The following HSPA12A variants were observed in gnomAD, a reference collection of about 807,000 sequenced individuals.
The protein encoded by HSPA12A is heat shock protein family A (Hsp70) member 12A.
In HSPA12A, 28 loss-of-function variants were observed where a neutral mutation model predicts 69.2. The ratio of observed to expected loss-of-function variants is 0.40; its 90% confidence interval spans 0.30 to 0.55. The LOEUF (loss-of-function observed/expected upper bound fraction) is 0.55, where lower values mean the gene tolerates loss of function less well. Among genes scored for constraint, HSPA12A ranks in the 20% least tolerant of loss-of-function variants. The pLI is 0.38. For missense variants in HSPA12A, 686 were observed against 900.7 expected, an observed-to-expected ratio of 0.76 and a Z score of 3.05; for synonymous variants, 345 against 370.5, an observed-to-expected ratio of 0.93 and a Z score of 0.79.
At chr10:116,775,907 C>T (rs1844325437) in intron 2 of HSPA12A, among the ~76,000 whole-genome samples, 1 of 152,188 alleles carries the variant, frequency 6.6e-6, no homozygotes, top group Admixed American at 6.5e-5. Flanking sequence ...CACAGACTCT[C>T]TTATGTGACT....
intron 1 of HSPA12A, among the ~76,000 whole-genome samples, chr10:116,729,456 A>T (rs1437559799): frequency 6.6e-6 from 1 of 152,176 alleles, no homozygotes; most frequent in African/African-American, 2.4e-5. Flanking sequence ...TTTGAACGAC[A>T]TGAGGGTTAG....
intron 5 of HSPA12A, among the ~76,000 whole-genome samples, chr10:116,697,775 C>T (rs1849955875): frequency 6.6e-6 from 1 of 152,168 alleles, no homozygotes; most frequent in African/African-American, 2.4e-5. Flanking sequence ...GCGCCCAACC[C>T]CATTACCTAA....
At chr10:116,712,977 AAT>A (rs56007651) in intron 1 of HSPA12A, among the ~76,000 whole-genome samples, 4,242 of 80,680 alleles carry the variant, frequency 0.053, 188 homozygotes, top group South Asian at 0.11. Context: ...TAAAAAATGC[AAT>A]ATATATATAT....
intron 3 of HSPA12A, among the ~76,000 whole-genome samples, chr10:116,703,795 C>T (rs1335834341): frequency 2.6e-5 from 4 of 152,226 alleles, no homozygotes; most frequent in East Asian, 1.9e-4. Context: ...GCTGGGTGTG[C>T]GGGGAAGGGA....
chr10:116,837,965 C>T (rs1486004857), intron 1 of HSPA12A, among the ~76,000 whole-genome samples: 3 of 151,912 alleles, frequency 2.0e-5, no homozygotes, highest in African/African-American at 7.3e-5. Flanking sequence ...GCCTGTAACA[C>T]ATATAATTAG....
chr10:116,798,179 T>TG (rs1346674801), intron 2 of HSPA12A, among the ~76,000 whole-genome samples: 3 of 8,702 alleles, frequency 3.4e-4, no homozygotes, highest in Non-Finnish European at 4.6e-4. Flanking sequence ...GGCGGGGCGG[T>TG]GGGGCGGGGT....
At chr10:116,806,623 G>A (rs11591612) in intron 2 of HSPA12A, among the ~76,000 whole-genome samples, 1 of 152,048 alleles carries the variant, frequency 6.6e-6, no homozygotes, top group African/African-American at 2.4e-5. Context: ...AAAATGTGCA[G>A]CCCCACGCCA....
At chr10:116,761,337 T>C in intron 2 of HSPA12A, among the ~76,000 whole-genome samples, 1 of 151,892 alleles carries the variant, frequency 6.6e-6, no homozygotes, top group East Asian at 1.9e-4. Flanking sequence ...AATACAAAAA[T>C]TAGCTGGGCA....
chr10:116,704,475 G>A (rs1344594082), intron 3 of HSPA12A, among the ~76,000 whole-genome samples: 1 of 152,062 alleles, frequency 6.6e-6, no homozygotes, highest in African/African-American at 2.4e-5. Flanking sequence ...TGGGGGGAGT[G>A]GGGAGGGATA....
At position 116,719,038 on chromosome 10, in the gene HSPA12A, C is replaced by T. The variant is rs111451820; in HGVS notation, c.41-11753G>A. Among the ~76,000 whole-genome samples the T allele has an allele frequency of 7.5e-3, 1,135 of 152,262 alleles. 17 individuals are homozygous for T. Among genetic ancestry groups the T allele is most frequent in the African/African-American group, 0.026 (1,075 of 41,544 alleles). The stretch of plus-strand genomic sequence containing the variant: ...ATGGACCTCAGAGGGCTGGTTCAGA[C>T]CTCGGCTCAGGTCCCTGCTGGTCTT... On this transcript the variant is annotated intron_variant, in intron 1 of 11. Coordinates refer to ENST00000369209, the MANE Select transcript of HSPA12A (RefSeq NM_025015.3).
At chr10:116,771,743 G>T (rs1844216312) in intron 2 of HSPA12A, among the ~76,000 whole-genome samples, 1 of 152,198 alleles carries the variant, frequency 6.6e-6, no homozygotes, top group Non-Finnish European at 1.5e-5. Context: ...CAAACAAGGG[G>T]CGCTTGCTTG....
At chr10:116,721,841 T>C (rs1446616713) in intron 1 of HSPA12A, among the ~76,000 whole-genome samples, 1 of 152,246 alleles carries the variant, frequency 6.6e-6, no homozygotes, top group African/African-American at 2.4e-5. Flanking sequence ...ACACTCATCA[T>C]CATGGCTGCT....
At position 116,705,288 on chromosome 10, in the gene HSPA12A, T is replaced by A; in HGVS notation, c.127-10A>T. ...TGGAGTCAGTGTCGTTCTGCAGATA[T>A]ACAGTGAGGCATGGGGGGTGTGGAG... On this transcript the variant is annotated splice_polypyrimidine_tract_variant and intron_variant, in intron 2 of 11. Transcript: ENST00000369209. The A allele has an allele frequency of 6.2e-7, 1 of 1,613,990 alleles. No individual in the cohort carries two copies. The highest frequency in any genetic ancestry group is 8.5e-7 in the Non-Finnish European group (1 of 1,179,970).
At position 116,679,532 on chromosome 10, in the gene HSPA12A, G is replaced by T; in HGVS notation, c.1257C>A (p.His419Gln). ...TTTTCCGCAAGGCGTGCTCCACACT[G>T]TGCCCGCGGAACTTCTTGTAGTAGT... The part of the protein sequence containing the change: ...FIDYYKKFRG[H>Q]SVEHALRKSN... The change falls in exon 10 of 12, where the codon CAC (histidine) becomes CAA (glutamine). Residue 419 changes from histidine to glutamine, a missense_variant. His to Gln is a conservative substitution (Grantham distance 24). Transcript: ENST00000369209. 6.2e-7 allele frequency: 1 copy of T among 1,614,102 alleles called. No individual in the cohort carries two copies. Among genetic ancestry groups the T allele is most frequent in the South Asian group, 1.1e-5 (1 of 91,084 alleles).
At chr10:116,835,667 T>C (rs928398368) in intron 1 of HSPA12A, among the ~76,000 whole-genome samples, 2 of 152,248 alleles carry the variant, frequency 1.3e-5, no homozygotes, top group Non-Finnish European at 2.9e-5. Flanking sequence ...TGTTCACCTG[T>C]GGATTTCTAG....
intron 2 of HSPA12A, among the ~76,000 whole-genome samples, chr10:116,800,932 G>A (rs1394844142): frequency 1.3e-5 from 2 of 152,224 alleles, no homozygotes; most frequent in African/African-American, 2.4e-5. Context: ...GGGCGACAGA[G>A]CAGAAGGGCT....
chr10:116,850,172 T>C, upstream of HSPA12A: 1 of 247,926 alleles, frequency 4.0e-6, no homozygotes, highest in South Asian at 4.1e-5. Flanking sequence ...TTGCTACAAC[T>C]TGGCTTCAGC....
At chr10:116,795,515 T>TA (rs112773070) in intron 2 of HSPA12A, among the ~76,000 whole-genome samples, 84,969 of 140,552 alleles carry the variant, frequency 0.6, 26,464 homozygotes, top group African/African-American at 0.79. Flanking sequence ...CTGCCGCTAC[T>TA]AAAAAAAAAA....
intron 1 of HSPA12A, among the ~76,000 whole-genome samples, chr10:116,713,166 T>C (rs1338356590): frequency 6.6e-6 from 1 of 150,848 alleles, no homozygotes; most frequent in Non-Finnish European, 1.5e-5. Context: ...CTCAAGGTCA[T>C]ATGTAGGTTA....
Sources: gnomAD v4.1 joint callset for allele counts (sites outside exome capture counted in the v4.1 genomes callset) on GRCh38, gnomAD v4.1.1 for gene constraint, MANE v1.5 for transcripts, NCBI Gene and HGNC (gene_info 2026-07-23, HGNC 2026-07-21) for gene names.